Variants in RSF1 observed in about 807,000 individuals in gnomAD.
The protein encoded by RSF1 is remodeling and spacing factor 1.
In RSF1, 13 loss-of-function variants were observed where a neutral mutation model predicts 145.2. That is an observed-to-expected ratio of 0.09 (90% CI 0.06 to 0.14). The LOEUF (loss-of-function observed/expected upper bound fraction) is 0.14. Among genes scored for constraint, RSF1 ranks in the 10% least tolerant of loss-of-function variants. The probability of loss-of-function intolerance (pLI) is 1.00; values close to 1 mark genes in which losing one functional copy is unlikely to be tolerated. For synonymous variants in RSF1, 577 were observed against 592.6 expected (o/e 0.97, Z 0.38); for missense variants, 1,517 against 1,718.2 (o/e 0.88, Z 2.07).
chr11:77,757,746 A>G (rs1435322382), intron 2 of RSF1, among the ~76,000 whole-genome samples: 1 of 152,184 alleles, frequency 6.6e-6, no homozygotes, highest in Non-Finnish European at 1.5e-5. Context: ...AGGAGCACAG[A>G]TTCTAATGTC....
chr11:77,868,789 C>A, the RSF1 span: 1 of 239,182 alleles, frequency 4.2e-6, no homozygotes, highest in South Asian at 7.6e-5. Flanking sequence ...GTGTGCTTCT[C>A]TGGGTGTAGC....
chr11:77,869,219 T>A, the RSF1 span: 2 of 199,976 alleles, frequency 1.0e-5, no homozygotes, highest in South Asian at 2.1e-4. Flanking sequence ...TGGAAGATGG[T>A]TGTTCCAGCC....
the RSF1 span, among the ~76,000 whole-genome samples, chr11:77,865,960 C>G: frequency 6.6e-6 from 1 of 152,178 alleles, no homozygotes; most frequent in Non-Finnish European, 1.5e-5. Flanking sequence ...CCTGTTAATT[C>G]AGACAAGCAA....
intron 1 of RSF1, among the ~76,000 whole-genome samples, chr11:77,810,830 A>G (rs1396637599): frequency 6.6e-6 from 1 of 152,250 alleles, no homozygotes; most frequent in African/African-American, 2.4e-5. Flanking sequence ...TCATCATCTG[A>G]TAAGACTTCC....
chr11:77,698,503 G>A lies in RSF1; in HGVS notation c.2699C>T (p.Pro900Leu). Residue 900 changes from proline (P) to leucine (L), a missense_variant, in exon 7 of 16, where the codon CCA becomes CTA. By Grantham distance (98) the Pro-to-Leu change is moderately conservative. Coordinates refer to ENST00000308488, the MANE Select transcript of RSF1 (RefSeq NM_016578.4). ...DDEPCKKCGL[P>L]NHPELILLCD... ...GGTACATACTAGCTCAGGATGGTTT[G>A]GAAGGCCACATTTTTTGCATGGTTC... is the stretch of plus-strand genomic sequence containing the variant. The A allele has an allele frequency of 6.2e-7, 1 of 1,613,994 alleles. No individual in the cohort carries two copies. Among genetic ancestry groups the A allele is most frequent in the Non-Finnish European group, 8.5e-7 (1 of 1,179,962 alleles).
chr11:77,841,269 T>A, the RSF1 span: 28 of 702,180 alleles, frequency 4.0e-5, no homozygotes, highest in East Asian at 7.5e-4. Context: ...AATTTAAACA[T>A]GAGTTTGGAA....
At chr11:77,842,483 C>G in the RSF1 span, 1 of 1,610,782 alleles carries the variant, frequency 6.2e-7, no homozygotes, top group South Asian at 1.1e-5. Flanking sequence ...TTTCAGACTT[C>G]AGTGAAGTTC....
chr11:77,685,016 T>TAAATAAAA, intron 10 of RSF1, 89 bp downstream of exon 10: 1 of 633,328 alleles, frequency 1.6e-6, no homozygotes. Flanking sequence ...AATAAATAAA[T>TAAATAAAA]AAAACCACTA....
chr11:77,772,727 T>A (rs1197308180), intron 1 of RSF1, among the ~76,000 whole-genome samples: 1 of 151,172 alleles, frequency 6.6e-6, no homozygotes, highest in Non-Finnish European at 1.5e-5. Flanking sequence ...ATTTGCCTTA[T>A]AACAAGGCAA....
intron 3 of RSF1, among the ~76,000 whole-genome samples, chr11:77,742,624 T>G (rs190162824): frequency 1.2e-3 from 182 of 152,222 alleles, no homozygotes; most frequent in Admixed American, 1.9e-3. Flanking sequence ...TGTTATCTCT[T>G]GTCTTGTCTT....
Position 77,702,136 on chromosome 11 carries a change from C to T in RSF1, c.1093G>A (p.Glu365Lys), listed in dbSNP as rs760337289. ...GNIKSSHEIT[E>K]KSTEETEKLK... ...TTCTCAGTTTCTTCAGTAGATTTCT[C>T]AGTAATTTCGTGAGAAGATTTAATA... Residue 365 changes from glutamate (E) to lysine (K), a missense_variant, in exon 6 of 16, where the codon GAG becomes AAG. Glu to Lys is a moderately conservative substitution (Grantham distance 56). Around this residue, in one of 12 missense-constraint regions of RSF1, gnomAD observed 207 missense variants for 191.4 expected, o/e 1.08. Coordinates refer to ENST00000308488, the MANE Select transcript of RSF1 (RefSeq NM_016578.4). 1.2e-6 allele frequency: 2 copies of T among 1,613,660 alleles called. No individual in the cohort carries two copies. The highest frequency in any genetic ancestry group is 1.7e-6 in the Non-Finnish European group (2 of 1,179,908).
At chr11:77,821,214 A>C (rs1162959643), upstream of RSF1, 1 of 288,992 alleles carries the variant, frequency 3.5e-6, no homozygotes, top group Admixed American at 5.0e-5. Context: ...CCGTTTGGGA[A>C]CGCAACTTTG....
intron 1 of RSF1, among the ~76,000 whole-genome samples, chr11:77,785,925 CAAAA>C (rs10661397): frequency 0.022 from 825 of 36,834 alleles, 2 homozygotes; most frequent in African/African-American, 0.07. Flanking sequence ...GATTCTGTCT[CAAAA>C]AAAAAAAAAA....
intron 5 of RSF1, among the ~76,000 whole-genome samples, chr11:77,713,874 G>A (rs374782940): frequency 1.5e-4 from 23 of 152,082 alleles, no homozygotes; most frequent in African/African-American, 4.8e-4. Context: ...TTCACTGTCC[G>A]TAGGGATGTT....
the RSF1 span, among the ~76,000 whole-genome samples, chr11:77,849,641 G>T: frequency 9.9e-5 from 15 of 152,102 alleles, no homozygotes; most frequent in Admixed American, 9.2e-4. Flanking sequence ...CTGTTTTTTT[G>T]TGTGTTTTTT....
intron 1 of RSF1, among the ~76,000 whole-genome samples, chr11:77,810,731 G>A (rs1948722469): frequency 6.6e-6 from 1 of 152,040 alleles, no homozygotes; most frequent in South Asian, 2.1e-4. Flanking sequence ...CAACTAATTT[G>A]TATTTTTAAT....
chr11:77,753,789 A>G (rs56218634), intron 2 of RSF1, among the ~76,000 whole-genome samples: 26,440 of 152,200 alleles, frequency 0.17, 2,785 homozygotes, highest in Non-Finnish European at 0.24. Context: ...TCACTATTGT[A>G]CAACCTAAGA....
chr11:77,869,834 AC>A, the RSF1 span: 1 of 1,607,192 alleles, frequency 6.2e-7, no homozygotes, highest in Non-Finnish European at 8.5e-7. Context: ...GTTGGTATGC[AC>A]AGCATTCCTG....
In RSF1 at chr11:77,672,113, T is replaced by G. The variant is rs79155054; in HGVS notation, c.3680A>C (p.Gln1227Pro). 20 of 1,614,046 alleles carry G rather than the reference T, an allele frequency of 1.2e-5. No individual in the cohort carries two copies. The highest frequency in any genetic ancestry group is 5.5e-5 in the South Asian group (5 of 91,070). The change falls in exon 15 of 16, where the codon CAG (glutamine) becomes CCG (proline). Residue 1227 changes from glutamine to proline, a missense_variant. Coordinates refer to ENST00000308488, the MANE Select transcript of RSF1 (RefSeq NM_016578.4). ...TTCTTTACCACGTCGCAAACTCTTC[T>G]GGGAACCGTCACTTTCTGAGTCTTC... is the stretch of plus-strand genomic sequence containing the variant. ...YKEDSESDGS[Q>P]KSLRRGKEIR...
Sources: allele counts gnomAD v4.1 joint callset (sites outside exome capture counted in the v4.1 genomes callset), GRCh38; gene constraint gnomAD v4.1.1; regional missense constraint gnomAD v4.1.1; transcripts MANE v1.5; gene names NCBI Gene and HGNC (gene_info 2026-07-23, HGNC 2026-07-21).